Variants in EXOC2 observed in about 807,000 individuals in gnomAD.
EXOC2 encodes the protein exocyst complex component 2.
EXOC2 carries 70 observed loss-of-function variants against 131.8 expected under a neutral mutation model. The observed-to-expected ratio is 0.53, with a 90% CI of 0.44 to 0.65. The LOEUF is 0.65. Ranked by LOEUF, EXOC2 falls within the 30% of genes least tolerant of loss-of-function variation. The pLI is 0.00. For synonymous variants in EXOC2, 411 were observed against 398.4 expected (o/e 1.03, Z -0.38); for missense variants, 923 against 1,108.6 (o/e 0.83, Z 2.38).
Position 635,796 on chromosome 6 carries a change from C to T in EXOC2, c.118+1905G>A, listed in dbSNP as rs1217457740. The stretch of plus-strand genomic sequence containing the variant: ...GTAATACACAGGCCAGGCAAGGCGG[C>T]GCACGCCTGTAATGCCAGCACTTTG... On this transcript the variant is annotated intron_variant, in intron 2 of 27. Coordinates refer to ENST00000230449, the MANE Select transcript of EXOC2 (RefSeq NM_018303.6). Among the ~76,000 whole-genome samples, 9 of 152,370 alleles carry T rather than the reference C, an allele frequency of 5.9e-5. No homozygotes were observed. In the South Asian group the frequency reaches 6.2e-4, roughly 11 times the overall value.
intron 1 of EXOC2, among the ~76,000 whole-genome samples, chr6:646,888 A>AT (rs1762601423): frequency 1.3e-5 from 2 of 152,236 alleles, no homozygotes; most frequent in South Asian, 4.1e-4. Flanking sequence ...AATAAAAATT[A>AT]TAGGACAGCA....
At chr6:648,446 A>G (rs190154866) in intron 1 of EXOC2, among the ~76,000 whole-genome samples, 1 of 152,346 alleles carries the variant, frequency 6.6e-6, no homozygotes, top group Admixed American at 6.5e-5. Context: ...GCTCTAGTCT[A>G]CAGTTGTCAT....
intron 4 of EXOC2, among the ~76,000 whole-genome samples, chr6:624,854 C>T (rs912767720): frequency 2.4e-4 from 37 of 152,152 alleles, no homozygotes; most frequent in African/African-American, 8.0e-4. Context: ...AACTGGATTT[C>T]GGATTCTACA....
At position 682,401 on chromosome 6, in the gene EXOC2, T is replaced by C. The variant is rs530344865; in HGVS notation, c.-44+10618A>G. 1.3e-3 allele frequency among the ~76,000 whole-genome samples: 194 copies of C among 152,052 alleles called. 2 individuals carry two copies. The East Asian group carries it at 0.031, about 25-fold the overall frequency. On this transcript the variant is annotated intron_variant, in intron 1 of 27. Coordinates refer to ENST00000230449, the MANE Select transcript of EXOC2 (RefSeq NM_018303.6). ...ATTTTTAGTAGAGACAGGGTTTCTC[T>C]GTGTTAGCCAGGATGGTCTAGATCT...
intron 20 of EXOC2, among the ~76,000 whole-genome samples, chr6:554,487 A>G (rs1290121420): frequency 6.6e-6 from 1 of 152,208 alleles, no homozygotes; most frequent in African/African-American, 2.4e-5. Context: ...AATGAGCTAA[A>G]AATATGAAAT....
At chr6:548,531 T>C (rs1341899315) in intron 22 of EXOC2, among the ~76,000 whole-genome samples, 1 of 152,218 alleles carries the variant, frequency 6.6e-6, no homozygotes, top group East Asian at 1.9e-4. Context: ...AAGTGTAACA[T>C]TAAAAAGAAA....
At chr6:669,139 T>C (rs935161913) in intron 1 of EXOC2, 84 of 152,294 alleles carry the variant, frequency 5.5e-4, no homozygotes, top group African/African-American at 2.0e-3. Flanking sequence ...TTGGACTCCA[T>C]GGAGCTCAGG....
intron 1 of EXOC2, among the ~76,000 whole-genome samples, chr6:642,926 T>C (rs868140199): frequency 6.9e-6 from 1 of 145,442 alleles, no homozygotes; most frequent in Admixed American, 6.9e-5. Flanking sequence ...ATTTTTCAAG[T>C]AAAAAAAAAA....
intron 1 of EXOC2, among the ~76,000 whole-genome samples, chr6:657,791 G>C (rs915462262): frequency 2.0e-5 from 3 of 149,814 alleles, no homozygotes; most frequent in African/African-American, 7.4e-5. Context: ...AATTCAACTT[G>C]CACTGTGTGT....
intron 1 of EXOC2, chr6:679,293 T>C (rs1436531586): frequency 2.0e-5 from 3 of 151,754 alleles, no homozygotes; most frequent in Admixed American, 6.6e-5. Flanking sequence ...CAAAAAAAAA[T>C]TGAGAAGGTA....
chr6:497,641 C>T, intron 24 of EXOC2, 152 bp from the exon 25 acceptor site: 1 of 1,007,390 alleles, frequency 9.9e-7, no homozygotes, highest in African/African-American at 1.6e-5. Context: ...AAGGAAGATA[C>T]AGACTTATAT....
intron 6 of EXOC2, among the ~76,000 whole-genome samples, chr6:616,407 T>C (rs1040186071): frequency 6.6e-6 from 1 of 151,746 alleles, no homozygotes; most frequent in Admixed American, 6.6e-5. Flanking sequence ...ATCGAGACCA[T>C]CCTGGCTAAC....
chr6:686,616 T>C (rs9504757), intron 1 of EXOC2, among the ~76,000 whole-genome samples: 21,719 of 152,100 alleles, frequency 0.14, 1,694 homozygotes, highest in African/African-American at 0.2. Flanking sequence ...CTGTTATATA[T>C]ATACCGGATT....
In EXOC2 at chr6:562,849, T is replaced by C; in HGVS notation, c.1790-4A>G. On this transcript the variant is annotated splice_region_variant and splice_polypyrimidine_tract_variant and intron_variant, in intron 16 of 27. Coordinates refer to ENST00000230449, the MANE Select transcript of EXOC2 (RefSeq NM_018303.6). The stretch of plus-strand genomic sequence containing the variant: ...TTTTCAGCTAATCTCTTTATTTCTA[T>C]ATGAGAAGAAGCACACAAATACTTT... 1 of 1,580,866 alleles carries C rather than the reference T, an allele frequency of 6.3e-7. No homozygotes were observed.
Position 545,845 on chromosome 6 carries a change from C to T in EXOC2, c.2238+3330G>A, listed in dbSNP as rs1240470390. Among the ~76,000 whole-genome samples the T allele has an allele frequency of 5.9e-5, 9 of 152,090 alleles. No individual in the cohort carries two copies. The East Asian group carries it at 9.7e-4, about 16-fold the overall frequency. ...AGTATGGGAGAGGTTAAAAATACTA[C>T]GTATACCCACATTAACAAATGTTAT... On this transcript the variant is annotated intron_variant, in intron 22 of 27. Transcript: ENST00000230449.
intron 22 of EXOC2, among the ~76,000 whole-genome samples, chr6:541,220 C>G (rs1182697593): frequency 6.6e-6 from 1 of 152,104 alleles, no homozygotes. Flanking sequence ...AATTTAAAAT[C>G]ATACTTCTAG....
chr6:534,580 T>A (rs2127543486), intron 22 of EXOC2, among the ~76,000 whole-genome samples: 1 of 152,304 alleles, frequency 6.6e-6, no homozygotes, highest in South Asian at 2.1e-4. Context: ...TGGATTAAAA[T>A]CTACAGGAAT....
intron 26 of EXOC2, among the ~76,000 whole-genome samples, chr6:489,393 T>C (rs1271675612): frequency 7.2e-5 from 11 of 152,210 alleles, no homozygotes; most frequent in Admixed American, 7.2e-4. Flanking sequence ...GATAATCCAG[T>C]TACTCTAAGA....
intron 22 of EXOC2, among the ~76,000 whole-genome samples, chr6:539,161 A>G (rs981899677): frequency 5.3e-5 from 8 of 152,204 alleles, no homozygotes; most frequent in African/African-American, 9.7e-5. Context: ...TAGCCCCATC[A>G]TAAGTTCAGG....
Sources: allele counts gnomAD v4.1 joint callset (sites outside exome capture counted in the v4.1 genomes callset), GRCh38; gene constraint gnomAD v4.1.1; transcripts MANE v1.5; gene names NCBI Gene and HGNC (gene_info 2026-07-23, HGNC 2026-07-21).